GPR141: variants seen among roughly 807,000 people sequenced by gnomAD.
The protein encoded by GPR141 is G protein-coupled receptor 141.
A neutral mutation model predicts 6.8 loss-of-function variants in GPR141; 6 were observed. The observed-to-expected ratio is 0.88, with a 90% CI of 0.48 to 1.74. GPR141 has a LOEUF of 1.74. Ranked by LOEUF, GPR141 falls within the 40% of genes most tolerant of loss-of-function variation. The probability of loss-of-function intolerance (pLI) is 0.01; values close to 1 mark genes in which losing one functional copy is unlikely to be tolerated. For missense variants in GPR141, 372 were observed against 372.9 expected (o/e 1.00, Z 0.02); for synonymous variants, 140 against 142.3 (o/e 0.98, Z 0.11).
At chr7:37,697,413 A>G (rs1810070472) in intron 2 of GPR141, among the ~76,000 whole-genome samples, 1 of 152,256 alleles carries the variant, frequency 6.6e-6, no homozygotes, top group East Asian at 1.9e-4. Context: ...TCCTAATACA[A>G]TTAAAGTTTA....
chr7:37,729,494 C>G (rs1193967122), intron 2 of GPR141, among the ~76,000 whole-genome samples: 1 of 152,200 alleles, frequency 6.6e-6, no homozygotes, highest in Admixed American at 6.5e-5. Flanking sequence ...TTATTTCACC[C>G]ATTCAGTTAA....
Position 37,740,832 on chromosome 7 carries a change from G to T in GPR141, c.439G>T (p.Val147Leu), listed in dbSNP as rs761236497. The change falls in exon 3 of 3, where the codon GTG (valine) becomes TTG (leucine). Residue 147 changes from valine (V) to leucine (L), a missense_variant. By Grantham distance (32) the Val-to-Leu change is conservative. Transcript: ENST00000334425. ...CATGTGGACGCTGGTGATTGTCATT[G>T]TGGTACCCCTGGTTGTCTCCCGGTA... ...AGMWTLVIVI[V>L]VPLVVSRYGI... The T allele has an allele frequency of 1.2e-6, 2 of 1,614,190 alleles. No individual in the cohort carries two copies. Among genetic ancestry groups the T allele is most frequent in the Non-Finnish European group, 1.7e-6 (2 of 1,180,014 alleles).
At chr7:37,706,063 A>G (rs1810507922) in intron 2 of GPR141, among the ~76,000 whole-genome samples, 1 of 152,198 alleles carries the variant, frequency 6.6e-6, no homozygotes. Flanking sequence ...AGGGTGGTTT[A>G]GAAGAAGCCT....
intron 2 of GPR141, among the ~76,000 whole-genome samples, chr7:37,694,161 G>C (rs1417051187): frequency 6.6e-6 from 1 of 152,228 alleles, no homozygotes; most frequent in Non-Finnish European, 1.5e-5. Context: ...GTCAGGCATA[G>C]CTTCAGCTCT....
At chr7:37,708,679 C>T (rs1810651970) in intron 2 of GPR141, among the ~76,000 whole-genome samples, 1 of 152,098 alleles carries the variant, frequency 6.6e-6, no homozygotes, top group Non-Finnish European at 1.5e-5. Context: ...AGACAGGGTC[C>T]TTTCATGCAT....
At chr7:37,700,103 G>A (rs925309634) in intron 2 of GPR141, among the ~76,000 whole-genome samples, 1 of 152,198 alleles carries the variant, frequency 6.6e-6, no homozygotes, top group Non-Finnish European at 1.5e-5. Flanking sequence ...AGCTGGTGCT[G>A]AAACTCACAC....
Position 37,740,674 on chromosome 7 carries a change from T to C in GPR141, c.281T>C (p.Met94Thr). Residue 94 changes from methionine to threonine, a missense_variant, in exon 3 of 3, where the codon ATG becomes ACG. By Grantham distance (81) the Met-to-Thr change is moderately conservative. Coordinates refer to ENST00000334425, the MANE Select transcript of GPR141 (RefSeq NM_001381946.1). ...GLPFCKFVSAMLHIHMYLTFL... is the reference protein window; with the variant it reads ...GLPFCKFVSATLHIHMYLTFL... The stretch of plus-strand genomic sequence containing the variant: ...CCCTTCTGCAAATTTGTGAGTGCCA[T>C]GCTGCACATCCACATGTACCTCACG... 1.2e-6 allele frequency: 2 copies of C among 1,614,164 alleles called. No homozygotes were observed. The highest frequency in any genetic ancestry group is 1.1e-5 in the South Asian group (1 of 91,084).
chr7:37,737,519 G>A (rs929324457), intron 2 of GPR141, among the ~76,000 whole-genome samples: 36 of 152,072 alleles, frequency 2.4e-4, no homozygotes, highest in Non-Finnish European at 5.9e-5. Context: ...AGTCCAGGAT[G>A]GCTTTGAATG....
rs183371547 is a variant in GPR141, at chr7:37,715,349, G to C, written c.-14-25031G>C. On this transcript the variant is annotated intron_variant, in intron 2 of 2. Transcript: ENST00000334425. ...CTTACTATGTTGCCCAGGCCAGTCT[G>C]GAACTCCTGGCCTTGGGCAATCCTC... is the stretch of plus-strand genomic sequence containing the variant. Among the ~76,000 whole-genome samples, 8 of 152,266 alleles carry C rather than the reference G, an allele frequency of 5.3e-5. No homozygotes were observed. In the East Asian group the frequency reaches 1.5e-3, roughly 29 times the overall value.
intron 2 of GPR141, among the ~76,000 whole-genome samples, chr7:37,712,807 G>T (rs938549066): frequency 8.5e-5 from 13 of 152,200 alleles, no homozygotes; most frequent in African/African-American, 3.1e-4. Flanking sequence ...ATGGACCTGT[G>T]TATTGGCCGA....
chr7:37,727,773 C>T (rs1434001685), intron 2 of GPR141, among the ~76,000 whole-genome samples: 3 of 152,196 alleles, frequency 2.0e-5, no homozygotes, highest in Non-Finnish European at 4.4e-5. Context: ...CTTGAATAAC[C>T]CTTTGCCAAC....
intron 2 of GPR141, among the ~76,000 whole-genome samples, chr7:37,734,360 G>A (rs756735203): frequency 1.6e-4 from 25 of 152,228 alleles, no homozygotes; most frequent in Non-Finnish European, 3.4e-4. Context: ...AACAGTAGTA[G>A]AAGCAAGAAT....
At chr7:37,697,759 C>T (rs1810090923) in intron 2 of GPR141, among the ~76,000 whole-genome samples, 1 of 152,196 alleles carries the variant, frequency 6.6e-6, no homozygotes, top group African/African-American at 2.4e-5. Context: ...CTTATCAGCA[C>T]CAGTCTCTCC....
In GPR141 at chr7:37,741,182, A is replaced by T; in HGVS notation, c.789A>T (p.Ala263=). The T allele has an allele frequency of 6.2e-7, 1 of 1,613,912 alleles. No homozygotes were observed. The highest frequency in any genetic ancestry group is 8.5e-7 in the Non-Finnish European group (1 of 1,179,796). The change falls in exon 3 of 3, where the codon GCA becomes GCT. Residue 263 remains alanine, a synonymous_variant. Coordinates refer to ENST00000334425, the MANE Select transcript of GPR141 (RefSeq NM_001381946.1). ...THSNACNSKV[A]FYNEIFLSVT... is the part of the protein sequence containing the mutation. ...CCAATGCCTGTAACAGCAAGGTTGC[A>T]TTTTATAACGAAATCTTCTTGAGTG...
At chr7:37,687,788 T>G (rs1198501106) in intron 2 of GPR141, among the ~76,000 whole-genome samples, 1 of 152,050 alleles carries the variant, frequency 6.6e-6, no homozygotes, top group Non-Finnish European at 1.5e-5. Flanking sequence ...CAAGCTCCAT[T>G]TTCAGATGAC....
At chr7:37,708,790 TA>T (rs1810656811) in intron 2 of GPR141, among the ~76,000 whole-genome samples, 1 of 152,156 alleles carries the variant, frequency 6.6e-6, no homozygotes, top group Non-Finnish European at 1.5e-5. Flanking sequence ...AAATAAGTCA[TA>T]GGGGCTACCA....
intron 2 of GPR141, among the ~76,000 whole-genome samples, chr7:37,703,309 C>T (rs1810374666): frequency 6.6e-6 from 1 of 151,786 alleles, no homozygotes; most frequent in African/African-American, 2.4e-5. Flanking sequence ...CTTCTTTTTC[C>T]TTAGTATTCT....
At chr7:37,695,861 G>A (rs1317288407) in intron 2 of GPR141, among the ~76,000 whole-genome samples, 1 of 152,112 alleles carries the variant, frequency 6.6e-6, no homozygotes, top group African/African-American at 2.4e-5. Context: ...GTCACTGTGT[G>A]GCGGTGGAGG....
intron 1 of GPR141, 102 bp downstream of exon 1, chr7:37,684,005 T>C (rs1363780763): frequency 1.3e-5 from 2 of 151,004 alleles, no homozygotes; most frequent in African/African-American, 5.0e-5. Flanking sequence ...AATCTTCAAA[T>C]GGTTCTGCTC....
Sources: allele counts gnomAD v4.1 joint callset (sites outside exome capture counted in the v4.1 genomes callset), GRCh38; gene constraint gnomAD v4.1.1; transcripts MANE v1.5; gene names NCBI Gene and HGNC (gene_info 2026-07-23, HGNC 2026-07-21).